MAPKAPK5: variants seen among roughly 807,000 people sequenced by gnomAD.
MAPKAPK5 encodes MAPK activated protein kinase 5.
Under a neutral mutation model 65.1 loss-of-function variants are expected in MAPKAPK5, and 30 were observed. That is an observed-to-expected ratio of 0.46 (90% CI 0.34 to 0.63). The LOEUF (loss-of-function observed/expected upper bound fraction) is 0.63, where lower values mean the gene tolerates loss of function less well. MAPKAPK5 is among the 20% of genes least tolerant of loss of function. The pLI, the probability that MAPKAPK5 is intolerant of heterozygous loss-of-function variation, is 0.01. For missense variants in MAPKAPK5, 433 were observed against 581.4 expected, an observed-to-expected ratio of 0.74 and a Z score of 2.63; for synonymous variants, 179 against 204.6, an observed-to-expected ratio of 0.87 and a Z score of 1.07.
At chr12:111,882,121 C>T (rs2070254212) in intron 8 of MAPKAPK5, among the ~76,000 whole-genome samples, 1 of 152,218 alleles carries the variant, frequency 6.6e-6, no homozygotes, top group Admixed American at 6.5e-5. Context: ...TGGCTCACGC[C>T]TGTAATCCCA....
intron 1 of MAPKAPK5, among the ~76,000 whole-genome samples, chr12:111,852,716 CTCTAAGCAGTGTTT>C (rs1230385025): frequency 6.6e-6 from 1 of 152,116 alleles, no homozygotes; most frequent in Non-Finnish European, 1.5e-5. Context: ...TCTTCAGTTT[CTCTAAGCAGTGTTT>C]TCTAGTTTCC....
At position 111,894,764 on chromosome 12, in the gene MAPKAPK5, A is replaced by G. The variant is rs60695934; in HGVS notation, c.*1703A>G. 15,412 of 109,418 alleles carry G rather than the reference A, an allele frequency of 0.14. 894 individuals carry two copies. The highest frequency in any genetic ancestry group is 0.42 in the East Asian group (1,181 of 2,810). The allele number at this position is 109,418 out of a possible 1,614,324, so 6.8% of individuals were successfully genotyped here. A position where few individuals can be genotyped will look rare whatever the true frequency, so the allele number is the denominator to read the frequency against. On this transcript the variant is annotated 3_prime_UTR_variant, in exon 14 of 14. Transcript: ENST00000550735. ...TTCCATAACAAACCAATTTTCGTGT[A>G]TATGTGTGTGTGTGTGTGTGTGTGT...
At chr12:111,887,658 G>C (rs140404125) in intron 10 of MAPKAPK5, 2 of 145,368 alleles carry the variant, frequency 1.4e-5, no homozygotes, top group Non-Finnish European at 3.0e-5. Flanking sequence ...CTGGGAGACA[G>C]AGCAAGACTC....
At chr12:111,876,392 C>T (rs2069973044) in intron 7 of MAPKAPK5, among the ~76,000 whole-genome samples, 2 of 151,844 alleles carry the variant, frequency 1.3e-5, no homozygotes, top group Non-Finnish European at 2.9e-5. Flanking sequence ...TACCAAACCC[C>T]TGTGAAGACA....
intron 7 of MAPKAPK5, among the ~76,000 whole-genome samples, chr12:111,873,412 C>T (rs1006448563): frequency 2.6e-5 from 4 of 152,090 alleles, no homozygotes; most frequent in African/African-American, 9.7e-5. Context: ...GGCGCGATCT[C>T]GACTCACTGC....
intron 1 of MAPKAPK5, among the ~76,000 whole-genome samples, chr12:111,846,571 C>G (rs2136061098): frequency 6.6e-6 from 1 of 151,532 alleles, no homozygotes; most frequent in East Asian, 2.0e-4. Flanking sequence ...TCTTGGCTCA[C>G]TGCAGCCTCT....
chr12:111,885,820 G>C, intron 9 of MAPKAPK5, 96 bp from the exon 10 acceptor site: 1 of 1,514,800 alleles, frequency 6.6e-7, no homozygotes, highest in Non-Finnish European at 9.0e-7. Flanking sequence ...GCAGAAGTCA[G>C]AAGTAACCAG....
chr12:111,868,601 G>A (rs2069682595), intron 4 of MAPKAPK5, among the ~76,000 whole-genome samples, 152 bp from the exon 5 acceptor site: 2 of 151,758 alleles, frequency 1.3e-5, no homozygotes, highest in South Asian at 4.2e-4. Flanking sequence ...GAGAATTTTT[G>A]CTCTTAGTAA....
Position 111,897,635 on chromosome 12 carries a change from C to A in MAPKAPK5, c.*4574C>A, listed in dbSNP as rs1175643204. On this transcript the variant is annotated 3_prime_UTR_variant, in exon 14 of 14. Coordinates refer to ENST00000550735, the MANE Select transcript of MAPKAPK5 (RefSeq NM_003668.4). ...GCGCTTACATAAATCACAAGAAATA[C>A]AGCTGGAAATCATTTCACTTTTCTT... 6.6e-6 allele frequency: 1 copy of A among 152,134 alleles called. No homozygotes were observed. The highest frequency in any genetic ancestry group is 1.5e-5 in the Non-Finnish European group (1 of 68,024). The allele number at this position is 152,134 out of a possible 1,614,324, so 9.4% of individuals were successfully genotyped here. A position where few individuals can be genotyped will look rare whatever the true frequency, so the allele number is the denominator to read the frequency against.
chr12:111,900,439 A>G lies in MAPKAPK5; in HGVS notation c.*7378A>G, dbSNP rs971871281. 3 of 455,926 alleles carry G rather than the reference A, an allele frequency of 6.6e-6. No individual in the cohort carries two copies. Among genetic ancestry groups the G allele is most frequent in the Non-Finnish European group, 1.3e-5 (3 of 226,802 alleles). 28.2% of individuals were successfully genotyped at this position (455,926 alleles called of 1,614,324 possible). A position where few individuals can be genotyped will look rare whatever the true frequency, so the allele number is the denominator to read the frequency against. On this transcript the variant is annotated 3_prime_UTR_variant, in exon 14 of 14. Transcript: ENST00000550735. ...AAAGATAAGCACTTTTGCCTCATGC[A>G]TGAAAATATCACAAAAGAAAGTGGC...
chr12:111,868,931 A>G, intron 5 of MAPKAPK5, 70 bp downstream of exon 5: 1 of 1,153,844 alleles, frequency 8.7e-7, no homozygotes. Context: ...CATTGGGGGG[A>G]AGAAAAGAAA....
In MAPKAPK5 at chr12:111,901,604, A is replaced by G. The variant is rs1397233620; in HGVS notation, c.*8543A>G. ...GGCTCCACCACCGGCCCCAGAAATA[A>G]AGCCAGAAGCAGCAGAAGTGGCCAC... On this transcript the variant is annotated 3_prime_UTR_variant, in exon 14 of 14. Transcript: ENST00000550735. 3.4e-6 allele frequency: 1 copy of G among 298,336 alleles called. No individual in the cohort carries two copies. Among genetic ancestry groups the G allele is most frequent in the African/African-American group, 2.2e-5 (1 of 45,110 alleles). 18.5% of individuals were successfully genotyped at this position (298,336 alleles called of 1,614,324 possible). A position where few individuals can be genotyped will look rare whatever the true frequency, so the allele number is the denominator to read the frequency against.
intron 6 of MAPKAPK5, 38 bp downstream of exon 6, chr12:111,870,398 T>A (rs2069745325): frequency 1.3e-6 from 2 of 1,535,762 alleles, no homozygotes; most frequent in South Asian, 2.3e-5. Context: ...GTGCTGCAAC[T>A]CTTAACATAG....
chr12:111,899,674 C>T lies in MAPKAPK5; in HGVS notation c.*6613C>T, dbSNP rs1398812074. On this transcript the variant is annotated 3_prime_UTR_variant, in exon 14 of 14. Transcript: ENST00000550735. ...CACAATGGCCTCCTGGGGCAAGAAT[C>T]GCCTTTCATCTCACATGACTGCCAC... is the stretch of plus-strand genomic sequence containing the variant. 2 of 294,492 alleles carry T rather than the reference C, an allele frequency of 6.8e-6. No individual in the cohort carries two copies. Among genetic ancestry groups the T allele is most frequent in the Non-Finnish European group, 6.9e-6 (1 of 145,978 alleles). The allele number at this position is 294,492 out of a possible 1,614,324, so 18.2% of individuals were successfully genotyped here. A position where few individuals can be genotyped will look rare whatever the true frequency, so the allele number is the denominator to read the frequency against.
chr12:111,888,725 G>A, intron 11 of MAPKAPK5, 107 bp downstream of exon 11: 1 of 1,537,202 alleles, frequency 6.5e-7, no homozygotes, highest in Non-Finnish European at 8.8e-7. Flanking sequence ...TTTAGCCTCT[G>A]AAGAGGGTGG....
At chr12:111,867,705 T>G (rs879257505) in intron 4 of MAPKAPK5, 36 bp downstream of exon 4, 3 of 1,472,830 alleles carry the variant, frequency 2.0e-6, no homozygotes, top group Non-Finnish European at 2.9e-6. Flanking sequence ...AATGCCCACA[T>G]GTAGGCCAAT....
At chr12:111,891,696 A>G (rs1346361141) in intron 13 of MAPKAPK5, among the ~76,000 whole-genome samples, 1 of 150,836 alleles carries the variant, frequency 6.6e-6, no homozygotes, top group Non-Finnish European at 1.5e-5. Context: ...AGTTCCAGCT[A>G]CTCAGGAGGC....
intron 5 of MAPKAPK5, 116 bp downstream of exon 5, chr12:111,868,977 T>C (rs1334736696): frequency 1.4e-6 from 1 of 728,662 alleles, no homozygotes; most frequent in East Asian, 2.8e-5. Context: ...TCTCATTGCC[T>C]GCTTTGTTAT....
rs1395246446 is a variant in MAPKAPK5, at chr12:111,858,912, C to T, written c.37-6338C>T. Among the ~76,000 whole-genome samples, 8 of 147,638 alleles carry T rather than the reference C, an allele frequency of 5.4e-5. 1 individual carries two copies. Among genetic ancestry groups the T allele is most frequent in the African/African-American group, 2.0e-4 (8 of 39,812 alleles). On this transcript the variant is annotated intron_variant, in intron 1 of 13. Coordinates refer to ENST00000550735, the MANE Select transcript of MAPKAPK5 (RefSeq NM_003668.4). ...TAACTCTAGAATTTCCATGTGGTTCCTCTTCATTTTTTCTGTTTCTCGGCT... is the reference window on the plus strand; with the variant it reads ...TAACTCTAGAATTTCCATGTGGTTCTTCTTCATTTTTTCTGTTTCTCGGCT...
Sources: gnomAD v4.1 joint callset for allele counts (sites outside exome capture counted in the v4.1 genomes callset) on GRCh38, gnomAD v4.1.1 for gene constraint, MANE v1.5 for transcripts, NCBI Gene and HGNC (gene_info 2026-07-23, HGNC 2026-07-21) for gene names.